Variants in SEMA3D observed in about 807,000 individuals in gnomAD.
SEMA3D encodes semaphorin 3D, also known as semaphorin-3D.
SEMA3D carries 84 observed loss-of-function variants against 100.1 expected under a neutral mutation model. The ratio of observed to expected loss-of-function variants is 0.84; its 90% confidence interval spans 0.70 to 1.01. The LOEUF (loss-of-function observed/expected upper bound fraction) is 1.01. Among genes scored for constraint, SEMA3D ranks in the 50% least tolerant of loss-of-function variants. SEMA3D has a pLI of 0.00. For synonymous variants in SEMA3D, 312 were observed against 320.7 expected (o/e 0.97, Z 0.29); for missense variants, 875 against 934.1 (o/e 0.94, Z 0.82).
chr7:85,184,550 A>G (rs1791489740), intron 1 of SEMA3D, among the ~76,000 whole-genome samples: 1 of 151,842 alleles, frequency 6.6e-6, no homozygotes, highest in African/African-American at 2.4e-5. Flanking sequence ...CACTTGTATC[A>G]TATTGTTGAG....
chr7:85,160,222 G>A (rs889159174), intron 1 of SEMA3D, among the ~76,000 whole-genome samples: 1 of 152,044 alleles, frequency 6.6e-6, no homozygotes, highest in Non-Finnish European at 1.5e-5. Flanking sequence ...CCATTGAAGT[G>A]TGAACGAAAT....
intron 14 of SEMA3D, among the ~76,000 whole-genome samples, chr7:85,019,812 T>TA (rs1414590145): frequency 6.6e-6 from 1 of 151,566 alleles, no homozygotes; most frequent in African/African-American, 2.4e-5. Flanking sequence ...AACCTATATA[T>TA]TTTTTTAATT....
chr7:85,101,463 C>T (rs905583468), intron 3 of SEMA3D, among the ~76,000 whole-genome samples: 3 of 151,966 alleles, frequency 2.0e-5, no homozygotes, highest in African/African-American at 4.8e-5. Flanking sequence ...TATCCTGCCT[C>T]CCAACTCACT....
At chr7:85,073,770 G>C (rs990020410) in intron 5 of SEMA3D, among the ~76,000 whole-genome samples, 3 of 152,082 alleles carry the variant, frequency 2.0e-5, no homozygotes, top group Admixed American at 6.5e-5. Flanking sequence ...CAGTGTTACA[G>C]AGCCTCTAAG....
the SEMA3D span, among the ~76,000 whole-genome samples, chr7:85,204,563 T>C: frequency 8.5e-5 from 13 of 152,078 alleles, no homozygotes; most frequent in East Asian, 5.8e-4. Flanking sequence ...TGTAGGATGA[T>C]GAGAAACGGG....
chr7:85,115,785 C>G (rs529089887), intron 3 of SEMA3D, among the ~76,000 whole-genome samples: 23 of 152,132 alleles, frequency 1.5e-4, no homozygotes, highest in African/African-American at 5.5e-4. Flanking sequence ...CTCTCTGCCC[C>G]CCAACAACAA....
At chr7:85,204,522 A>G in the SEMA3D span, among the ~76,000 whole-genome samples, 1 of 152,098 alleles carries the variant, frequency 6.6e-6, no homozygotes, top group Non-Finnish European at 1.5e-5. Context: ...AAGTAATAAC[A>G]ATTTTAGTGA....
chr7:85,166,192 A>C (rs1241090842), intron 1 of SEMA3D, among the ~76,000 whole-genome samples: 1 of 152,018 alleles, frequency 6.6e-6, no homozygotes, highest in Non-Finnish European at 1.5e-5. Context: ...TACACGTCAT[A>C]CTTAATGTTG....
Position 85,073,084 on chromosome 7 carries a change from G to A in SEMA3D, c.376-3C>T. 1.2e-6 allele frequency: 2 copies of A among 1,611,266 alleles called. No individual in the cohort carries two copies. Among genetic ancestry groups the A allele is most frequent in the Non-Finnish European group, 1.7e-6 (2 of 1,179,158 alleles). ...CTGATGAAATTTGCACATTCTGTCT[G>A]TTGGGCACAAAAATTAAAAGCATTA... On this transcript the variant is annotated splice_polypyrimidine_tract_variant and splice_region_variant and intron_variant, in intron 5 of 18. Coordinates refer to ENST00000284136, the MANE Select transcript of SEMA3D (RefSeq NM_001384900.1).
At position 85,118,503 on chromosome 7, in the gene SEMA3D, G is replaced by A. The variant is rs536017663; in HGVS notation, c.151+3238C>T. Reference sequence around the variant, plus strand: ...TAAAAATTGTTGAGATTTTTTTCTGGCAGATATTGAGTTTACTGGAAGATC... The same window carrying A: ...TAAAAATTGTTGAGATTTTTTTCTGACAGATATTGAGTTTACTGGAAGATC... On this transcript the variant is annotated intron_variant, in intron 3 of 18. Transcript: ENST00000284136. Among the ~76,000 whole-genome samples the A allele has an allele frequency of 9.9e-5, 15 of 152,092 alleles. No homozygotes were observed. The East Asian group carries it at 2.7e-3, about 27-fold the overall frequency.
intron 3 of SEMA3D, among the ~76,000 whole-genome samples, chr7:85,101,314 C>A (rs145822546): frequency 6.6e-6 from 1 of 151,960 alleles, no homozygotes; most frequent in African/African-American, 2.4e-5. Context: ...TTTATACAAT[C>A]GAAATCCTTA....
chr7:85,198,941 C>A, the SEMA3D span, among the ~76,000 whole-genome samples: 1 of 150,830 alleles, frequency 6.6e-6, no homozygotes, highest in Non-Finnish European at 1.5e-5. Context: ...AATAGCCATA[C>A]ATTTTCTTAC....
intron 12 of SEMA3D, among the ~76,000 whole-genome samples, chr7:85,023,982 C>G (rs1023848798): frequency 6.6e-6 from 1 of 151,844 alleles, no homozygotes; most frequent in Non-Finnish European, 1.5e-5. Flanking sequence ...AGATTAGAAA[C>G]GTCCTAGAAT....
At chr7:85,036,867 G>C (rs769385428) in intron 12 of SEMA3D, 22 bp downstream of exon 12, 1 of 1,561,814 alleles carries the variant, frequency 6.4e-7, no homozygotes, top group Non-Finnish European at 8.7e-7. Flanking sequence ...AAAATAATTT[G>C]ATTATTAAGT....
intron 17 of SEMA3D, among the ~76,000 whole-genome samples, chr7:85,011,165 T>G (rs1191976291): frequency 6.6e-6 from 1 of 151,814 alleles, no homozygotes; most frequent in Admixed American, 6.6e-5. Flanking sequence ...ATTTCAAAAT[T>G]TTAAGCAATC....
intron 12 of SEMA3D, among the ~76,000 whole-genome samples, chr7:85,029,855 A>G (rs567821361): frequency 1.2e-3 from 177 of 152,216 alleles, no homozygotes; most frequent in Non-Finnish European, 2.3e-3. Flanking sequence ...AGGAAAGGAA[A>G]TAACATTGCA....
chr7:85,022,466 A>AT lies in SEMA3D; in HGVS notation c.1338_1339insA (p.Tyr447IlefsTer121). The AT allele has an allele frequency of 3.7e-6, 6 of 1,612,586 alleles. No homozygotes were observed. The highest frequency in any genetic ancestry group is 5.1e-6 in the Non-Finnish European group (6 of 1,178,974). ...TCCACCACTATCTGTGTCAGTCTGT[A>AT]ATCCACATTGATTCTCTTGAACGTT... On this transcript the variant is annotated frameshift_variant, in exon 13 of 19. Transcript: ENST00000284136. LOFTEE classifies it high-confidence loss of function.
Position 85,006,931 on chromosome 7 carries a change from A to G in SEMA3D, c.1779T>C (p.His593=), listed in dbSNP as rs372572273. 3 of 1,609,722 alleles carry G rather than the reference A, an allele frequency of 1.9e-6. No individual in the cohort carries two copies. Among genetic ancestry groups the G allele is most frequent in the Non-Finnish European group, 1.7e-6 (2 of 1,177,450 alleles). Residue 593 remains histidine (H), a synonymous_variant, in exon 18 of 19, where the codon CAT becomes CAC. Transcript: ENST00000284136. ...AAATCACCTTTTCATCAGCAGTTTC[A>G]TGACTAATGCCTGGAAAGCAAACAT... is the stretch of plus-strand genomic sequence containing the variant. The part of the protein sequence containing the change: ...QCWDIEDSIS[H]ETADEKVIFG...
intron 18 of SEMA3D, among the ~76,000 whole-genome samples, chr7:85,000,875 G>A (rs1262664615): frequency 1.3e-5 from 2 of 152,138 alleles, no homozygotes; most frequent in African/African-American, 4.8e-5. Context: ...TCAGCATTAA[G>A]TGGAATAACA....
Sources: allele counts gnomAD v4.1 joint callset (sites outside exome capture counted in the v4.1 genomes callset), GRCh38; gene constraint gnomAD v4.1.1; transcripts MANE v1.5; gene names NCBI Gene and HGNC (gene_info 2026-07-23, HGNC 2026-07-21).